The following EBF1 variants were observed in gnomAD, a reference collection of about 807,000 sequenced individuals.
EBF1 encodes EBF transcription factor 1, also known as transcription factor COE1.
EBF1 carries 10 observed loss-of-function variants against 68.4 expected under a neutral mutation model. The ratio of observed to expected loss-of-function variants is 0.15; its 90% CI spans 0.09 to 0.25. The LOEUF (loss-of-function observed/expected upper bound fraction) is 0.25. Among genes scored for constraint, EBF1 ranks in the 10% least tolerant of loss-of-function variants. EBF1 has a pLI of 1.00. For synonymous variants in EBF1, 298 were observed against 299.8 expected, an observed-to-expected ratio of 0.99 and a Z score of 0.06; for missense variants, 509 against 794.4, an observed-to-expected ratio of 0.64 and a Z score of 4.32.
intron 8 of EBF1, among the ~76,000 whole-genome samples, chr5:158,803,354 GTTTTT>G (rs34836103): frequency 7.5e-6 from 1 of 134,016 alleles, no homozygotes. Context: ...TTTTGCTGGT[GTTTTT>G]TTTTTTTTTT....
intron 14 of EBF1, among the ~76,000 whole-genome samples, chr5:158,708,942 T>A (rs567760333): frequency 6.6e-6 from 1 of 152,206 alleles, no homozygotes; most frequent in Non-Finnish European, 1.5e-5. Context: ...GGGATGCAGA[T>A]AACCAATGAT....
intron 10 of EBF1, among the ~76,000 whole-genome samples, chr5:158,738,961 T>C (rs1765755269): frequency 6.6e-6 from 1 of 152,240 alleles, no homozygotes; most frequent in Non-Finnish European, 1.5e-5. Context: ...GCCTGATTTT[T>C]ATTATGTAAG....
rs1760084716 is a variant in EBF1 at position 158,714,098 on chromosome 5, A to G, written c.1191+19T>C. ...TTGCATGTGGCAGTCCACACAGGCT[A>G]GACACCCACAGCGCTCACCTGGTTG... On this transcript the variant is annotated intron_variant, in intron 12 of 15. Coordinates refer to ENST00000313708, the MANE Select transcript of EBF1 (RefSeq NM_024007.5). 1 of 1,613,656 alleles carries G rather than the reference A, an allele frequency of 6.2e-7. No individual in the cohort carries two copies. Among genetic ancestry groups the G allele is most frequent in the African/African-American group, 1.3e-5 (1 of 74,930 alleles).
chr5:158,866,631 C>A (rs936770124), intron 6 of EBF1, among the ~76,000 whole-genome samples: 1 of 151,736 alleles, frequency 6.6e-6, no homozygotes, highest in Non-Finnish European at 1.5e-5. Flanking sequence ...ATATTTCACA[C>A]GTCACTTTTA....
chr5:159,016,787 G>A (rs879881798), intron 6 of EBF1, among the ~76,000 whole-genome samples: 8 of 152,174 alleles, frequency 5.3e-5, no homozygotes, highest in Non-Finnish European at 1.0e-4. Context: ...AAACTGACCC[G>A]GCTGGAGGGC....
intron 6 of EBF1, among the ~76,000 whole-genome samples, chr5:159,001,403 T>C (rs1252784499): frequency 1.3e-5 from 2 of 152,212 alleles, no homozygotes; most frequent in African/African-American, 2.4e-5. Flanking sequence ...TCAAAATCAC[T>C]GGTCTAGCAT....
intron 6 of EBF1, among the ~76,000 whole-genome samples, chr5:159,014,097 T>C (rs1288863781): frequency 1.3e-5 from 2 of 152,126 alleles, no homozygotes; most frequent in Non-Finnish European, 2.9e-5. Flanking sequence ...TCTGTGAGAG[T>C]ATCAACAGAA....
chr5:159,025,170 C>G (rs1767452570), intron 6 of EBF1, among the ~76,000 whole-genome samples: 1 of 152,202 alleles, frequency 6.6e-6, no homozygotes, highest in African/African-American at 2.4e-5. Context: ...GGGTAGAGGT[C>G]AAAGGGGACT....
chr5:158,773,030 T>C (rs1195411048), intron 10 of EBF1, among the ~76,000 whole-genome samples: 2 of 152,050 alleles, frequency 1.3e-5, no homozygotes, highest in Admixed American at 6.6e-5. Flanking sequence ...ATATCCATCA[T>C]CTTGAACCTA....
At chr5:158,707,694 C>A in intron 15 of EBF1, 1 of 412,180 alleles carries the variant, frequency 2.4e-6, no homozygotes, top group East Asian at 3.3e-5. Context: ...TGCTGTTAGT[C>A]AGTAGAAACA....
intron 4 of EBF1, 99 bp downstream of exon 4, chr5:159,095,520 AG>A: frequency 1.4e-6 from 2 of 1,405,364 alleles, no homozygotes; most frequent in Non-Finnish European, 2.0e-6. Context: ...TGGCTTTTAG[AG>A]TTAGAGTCCC....
At chr5:158,947,173 G>A (rs1814939023) in intron 6 of EBF1, among the ~76,000 whole-genome samples, 1 of 152,092 alleles carries the variant, frequency 6.6e-6, no homozygotes, top group South Asian at 2.1e-4. Flanking sequence ...CCTGGCTTCA[G>A]CCTCCTTTCC....
intron 6 of EBF1, among the ~76,000 whole-genome samples, chr5:159,030,644 C>T (rs1315505936): frequency 1.3e-5 from 2 of 152,098 alleles, no homozygotes; most frequent in African/African-American, 4.8e-5. Context: ...TGGCGATGAG[C>T]AAGTACTGAA....
chr5:158,699,103 C>A lies in EBF1; in HGVS notation c.*8G>T, dbSNP rs1024342597. The A allele has an allele frequency of 2.5e-6, 4 of 1,605,586 alleles. No individual in the cohort carries two copies. The highest frequency in any genetic ancestry group is 3.4e-5 in the Admixed American group (2 of 59,136). ...TCTTCATTAATACAATTCTTCAAGGCAATTCTTTCACATAGGAGGAACAAT... is the reference window on the plus strand; with the variant it reads ...TCTTCATTAATACAATTCTTCAAGGAAATTCTTTCACATAGGAGGAACAAT... On this transcript the variant is annotated 3_prime_UTR_variant, in exon 16 of 16. Transcript: ENST00000313708.
At chr5:159,001,880 C>T (rs1762609420) in intron 6 of EBF1, among the ~76,000 whole-genome samples, 1 of 152,162 alleles carries the variant, frequency 6.6e-6, no homozygotes, top group South Asian at 2.1e-4. Context: ...AAAATTCTAT[C>T]ATTTCCTGAG....
intron 6 of EBF1, among the ~76,000 whole-genome samples, chr5:158,929,670 C>T (rs564441361): frequency 6.6e-6 from 1 of 152,226 alleles, no homozygotes; most frequent in East Asian, 1.9e-4. Context: ...GAAGCTGAGG[C>T]TTTAATTATC....
At chr5:158,809,562 C>T (rs1377193360) in intron 8 of EBF1, among the ~76,000 whole-genome samples, 9 of 152,028 alleles carry the variant, frequency 5.9e-5, no homozygotes, top group Admixed American at 5.2e-4. Flanking sequence ...AGTTATTTTC[C>T]CCCTAAGACT....
intron 6 of EBF1, among the ~76,000 whole-genome samples, chr5:159,070,666 G>C (rs1256970521): frequency 1.3e-5 from 2 of 152,170 alleles, no homozygotes; most frequent in African/African-American, 2.4e-5. Flanking sequence ...CAAGCAAAGA[G>C]AGCTAAAAAT....
chr5:159,023,855 G>C (rs1293681737), intron 6 of EBF1, among the ~76,000 whole-genome samples: 2 of 152,166 alleles, frequency 1.3e-5, no homozygotes, highest in Non-Finnish European at 2.9e-5. Flanking sequence ...ACTATCCTAA[G>C]TTGAATGTGG....
Sources: gnomAD v4.1 joint callset for allele counts (sites outside exome capture counted in the v4.1 genomes callset) on GRCh38, gnomAD v4.1.1 for gene constraint, MANE v1.5 for transcripts, NCBI Gene and HGNC (gene_info 2026-07-23, HGNC 2026-07-21) for gene names.